The following FOXN1 variants were observed in gnomAD, a reference collection of about 807,000 sequenced individuals.
FOXN1 encodes the protein forkhead box N1.
A neutral mutation model predicts 49.0 loss-of-function variants in FOXN1; 15 were observed. The observed-to-expected ratio is 0.31, with a 90% CI of 0.20 to 0.47. The LOEUF is 0.47. Among genes scored for constraint, FOXN1 ranks in the 20% least tolerant of loss-of-function variants. The probability of loss-of-function intolerance (pLI) is 1.00; values close to 1 mark genes in which losing one functional copy is unlikely to be tolerated. For synonymous variants in FOXN1, 356 were observed against 369.0 expected (o/e 0.96, Z 0.40); for missense variants, 800 against 842.8 (o/e 0.95, Z 0.63).
intron 1 of FOXN1, among the ~76,000 whole-genome samples, chr17:28,509,785 G>A (rs1567869103): frequency 6.6e-6 from 1 of 152,262 alleles, no homozygotes; most frequent in Non-Finnish European, 1.5e-5. Flanking sequence ...CCAAAGCGGG[G>A]CCGGGGCAGG....
intron 1 of FOXN1, 49 bp from the exon 2 acceptor site, chr17:28,523,907 C>A (rs1417444394): frequency 1.9e-6 from 3 of 1,607,168 alleles, no homozygotes; most frequent in Admixed American, 1.7e-5. Context: ...CTGGGTTGGT[C>A]CCCACTGGAT....
At chr17:28,517,650 C>T (rs1386564237) in intron 1 of FOXN1, among the ~76,000 whole-genome samples, 1 of 76,758 alleles carries the variant, frequency 1.3e-5, no homozygotes, top group Non-Finnish European at 2.8e-5. Flanking sequence ...GGGTACAGAC[C>T]TCCACAGGGT....
rs752348608 is a variant in FOXN1 at position 28,524,632 on chromosome 17, G to A, written c.253G>A (p.Gly85Ser). 4.3e-6 allele frequency: 7 copies of A among 1,613,532 alleles called. No individual in the cohort carries two copies. Among genetic ancestry groups the A allele is most frequent in the South Asian group, 1.1e-5 (1 of 91,092 alleles). The change falls in exon 3 of 9, where the codon GGC (glycine) becomes AGC (serine). Residue 85 changes from glycine (G) to serine (S), a missense_variant. Gly to Ser is a moderately conservative substitution (Grantham distance 56). Coordinates refer to ENST00000579795, the MANE Select transcript of FOXN1 (RefSeq NM_001369369.1). ...GCAAGTCCAGGGCCACTGCCCAGCC[G>A]GCCCCGGCCCTGGGCCCTTCAGGCT... ...PEQVQGHCPA[G>S]PGPGPFRLSP...
intron 1 of FOXN1, among the ~76,000 whole-genome samples, chr17:28,510,744 C>A (rs946767840): frequency 6.6e-6 from 1 of 152,214 alleles, no homozygotes; most frequent in African/African-American, 2.4e-5. Flanking sequence ...GGAGAGGGTT[C>A]CTGGAGCCCA....
Position 28,524,562 on chromosome 17 carries a change from C to T in FOXN1, c.183C>T (p.Pro61=), listed in dbSNP as rs552574496. Residue 61 remains proline, a synonymous_variant, in exon 3 of 9, where the codon CCC becomes CCT. Coordinates refer to ENST00000579795, the MANE Select transcript of FOXN1 (RefSeq NM_001369369.1). Reference sequence around the variant, plus strand: ...CCGACGGCCCTCCAGAGAGGACACCCTCACTGCCCCCACACAGCCCCCGCA... The same window carrying T: ...CCGACGGCCCTCCAGAGAGGACACCTTCACTGCCCCCACACAGCCCCCGCA... ...FVSDGPPERT[P]SLPPHSPRIA... 24 of 1,613,704 alleles carry T rather than the reference C, an allele frequency of 1.5e-5. No individual in the cohort carries two copies. In the Middle Eastern group the frequency reaches 4.9e-4, roughly 33 times the overall value.
At position 28,535,106 on chromosome 17, in the gene FOXN1, C is replaced by A. The variant is rs754708376; in HGVS notation, c.1535C>A (p.Ala512Asp). ...AAGCTACTGGCCGAGCCTTCCCCAG[C>A]CAGGACTATGCACGACACCCTGCTG... ...SAKLLAEPSP[A>D]RTMHDTLLPD... is the part of the protein sequence containing the mutation. The change falls in exon 8 of 9, where the codon GCC becomes GAC. Residue 512 changes from alanine (A) to aspartate (D), a missense_variant. Ala to Asp is a moderately radical substitution (Grantham distance 126). Around this residue, in one of 3 missense-constraint regions of FOXN1, gnomAD observed 344 missense variants for 366.1 expected, o/e 0.94. Coordinates refer to ENST00000579795, the MANE Select transcript of FOXN1 (RefSeq NM_001369369.1). 1.6e-5 allele frequency: 25 copies of A among 1,607,684 alleles called. No homozygotes were observed. The highest frequency in any genetic ancestry group is 2.1e-5 in the Non-Finnish European group (25 of 1,175,850).
intron 1 of FOXN1, among the ~76,000 whole-genome samples, chr17:28,508,823 C>G (rs2069325396): frequency 6.6e-6 from 1 of 152,190 alleles, no homozygotes; most frequent in South Asian, 2.1e-4. Context: ...TGCAGGTATG[C>G]CCTCCCCTCT....
In FOXN1 at chr17:28,534,235, C is replaced by T. The variant is rs982245289; in HGVS notation, c.928-96C>T. ...CCCAGAGTGGGCGGCAGCTCTGTGC[C>T]CAGAGGAGAAACAGGAGTGTTCTAG... is the stretch of plus-strand genomic sequence containing the variant. On this transcript the variant is annotated intron_variant, in intron 6 of 8. Transcript: ENST00000579795. This position sits in a 1 kb window ranked among gnomAD's most constrained non-coding sequence, Gnocchi z 4.1. 1 of 1,588,326 alleles carries T rather than the reference C, an allele frequency of 6.3e-7. No individual in the cohort carries two copies. Among genetic ancestry groups the T allele is most frequent in the Non-Finnish European group, 8.6e-7 (1 of 1,163,638 alleles).
chr17:28,534,800 T>A lies in FOXN1; in HGVS notation c.1229T>A (p.Ile410Asn), dbSNP rs752801138. ...CCTGGGCTGTCCGGCTCAGGCCCCA[T>A]CCGGCCCCTGGCACCCCCAGCTGGC... ...PPPGLSGSGP[I>N]RPLAPPAGLS... Residue 410 changes from isoleucine (I) to asparagine (N), a missense_variant, in exon 8 of 9, where the codon ATC becomes AAC. By Grantham distance (149) the Ile-to-Asn change is moderately radical. Around this residue, in one of 3 missense-constraint regions of FOXN1, gnomAD observed 344 missense variants for 366.1 expected, o/e 0.94. Transcript: ENST00000579795. The surrounding 1 kb of genome is among the most constrained non-coding windows in gnomAD (Gnocchi z 4.1). 1.9e-6 allele frequency: 3 copies of A among 1,613,710 alleles called. No individual in the cohort carries two copies. The highest frequency in any genetic ancestry group is 2.5e-6 in the Non-Finnish European group (3 of 1,179,740).
At chr17:28,521,427 G>T (rs1187828527) in intron 1 of FOXN1, among the ~76,000 whole-genome samples, 1 of 152,228 alleles carries the variant, frequency 6.6e-6, no homozygotes, top group Non-Finnish European at 1.5e-5. Context: ...TCTGGGCCGG[G>T]GTGAGGTGTG....
At chr17:28,526,904 G>T (rs966414090) in intron 3 of FOXN1, among the ~76,000 whole-genome samples, 1 of 152,176 alleles carries the variant, frequency 6.6e-6, no homozygotes, top group Non-Finnish European at 1.5e-5. Flanking sequence ...AGACCTCTGA[G>T]TCAGGCGTGT....
chr17:28,518,086 C>A (rs1320177656), intron 1 of FOXN1, among the ~76,000 whole-genome samples: 3 of 141,384 alleles, frequency 2.1e-5, no homozygotes, highest in Admixed American at 7.0e-5. Flanking sequence ...TCCACAGGAT[C>A]CATACCTCCA....
chr17:28,527,566 C>A (rs1337080702), intron 4 of FOXN1, among the ~76,000 whole-genome samples: 1 of 152,160 alleles, frequency 6.6e-6, no homozygotes, highest in Admixed American at 6.5e-5. Flanking sequence ...CAGGGGTGGG[C>A]TTGTCTGAGT....
chr17:28,514,487 A>G (rs2069453213), intron 1 of FOXN1, among the ~76,000 whole-genome samples: 1 of 152,076 alleles, frequency 6.6e-6, no homozygotes, highest in African/African-American at 2.4e-5. Flanking sequence ...CTTTCTTGGC[A>G]TTCCCAGACC....
intron 1 of FOXN1, among the ~76,000 whole-genome samples, chr17:28,521,547 C>A (rs925061089): frequency 2.0e-5 from 3 of 152,276 alleles, no homozygotes; most frequent in Admixed American, 6.5e-5. Flanking sequence ...GCCTGCTCCG[C>A]TGTGGTGTCC....
intron 1 of FOXN1, among the ~76,000 whole-genome samples, chr17:28,522,862 A>G (rs894795288): frequency 6.6e-6 from 1 of 151,656 alleles, no homozygotes; most frequent in African/African-American, 2.4e-5. Context: ...AGTGAGAACC[A>G]CACTCACAAT....
intron 3 of FOXN1, among the ~76,000 whole-genome samples, chr17:28,525,945 C>G (rs2069757221): frequency 6.6e-6 from 1 of 152,220 alleles, no homozygotes; most frequent in Non-Finnish European, 1.5e-5. Context: ...CACTCAATAA[C>G]AGCTGCCAAT....
chr17:28,508,525 A>G (rs551703141), intron 1 of FOXN1, among the ~76,000 whole-genome samples: 146 of 152,234 alleles, frequency 9.6e-4, no homozygotes, highest in Non-Finnish European at 1.5e-3. Context: ...TTCTCTAGCT[A>G]GGAAGTCCTT....
intron 1 of FOXN1, among the ~76,000 whole-genome samples, chr17:28,518,902 T>A (rs2069584180): frequency 6.6e-6 from 1 of 152,196 alleles, no homozygotes; most frequent in African/African-American, 2.4e-5. Context: ...ATGACCTTGC[T>A]CCCCTGACAG....
Sources: gnomAD v4.1 joint callset for allele counts (sites outside exome capture counted in the v4.1 genomes callset) on GRCh38, gnomAD v4.1.1 for gene constraint, gnomAD v4.1.1 regional missense constraint, Gnocchi (gnomAD v3.1) non-coding constraint, MANE v1.5 for transcripts, NCBI Gene and HGNC (gene_info 2026-07-23, HGNC 2026-07-21) for gene names.